Variants in ZBTB20 observed in about 807,000 individuals in gnomAD.
ZBTB20 encodes zinc finger and BTB domain-containing protein 20.
A neutral mutation model predicts 56.9 loss-of-function variants in ZBTB20; 9 were observed. The ratio of observed to expected loss-of-function variants is 0.16; its 90% CI spans 0.10 to 0.28. ZBTB20 has a LOEUF of 0.28. Among genes scored for constraint, ZBTB20 ranks in the 10% least tolerant of loss-of-function variants. ZBTB20 has a pLI of 1.00. For missense variants in ZBTB20, 655 were observed against 1,003.0 expected (o/e 0.65, Z 4.69); for synonymous variants, 417 against 420.7 (o/e 0.99, Z 0.11).
At chr3:114,610,598 G>A (rs1356489281) in intron 6 of ZBTB20, among the ~76,000 whole-genome samples, 2 of 152,164 alleles carry the variant, frequency 1.3e-5, no homozygotes, top group Non-Finnish European at 2.9e-5. Context: ...GGCAGGAGAG[G>A]TTGGCATTTA....
rs180848687 is a variant in ZBTB20, at chr3:114,775,608, G to A, written c.-343+25493C>T. ...TTGTTTGCTCTGAGGAGCACCCTGAGGACCCTCTGGGCTGCACACGGAGCC... is the reference window on the plus strand; with the variant it reads ...TTGTTTGCTCTGAGGAGCACCCTGAAGACCCTCTGGGCTGCACACGGAGCC... On this transcript the variant is annotated intron_variant, in intron 5 of 11. Coordinates refer to ENST00000675478, the MANE Select transcript of ZBTB20 (RefSeq NM_001348800.3). Among the ~76,000 whole-genome samples the A allele has an allele frequency of 8.7e-4, 132 of 151,646 alleles. 1 individual carries two copies. The highest frequency in any genetic ancestry group is 1.0e-4 in the Non-Finnish European group (7 of 67,946).
chr3:114,631,775 T>A (rs913436331), intron 6 of ZBTB20, among the ~76,000 whole-genome samples: 1 of 152,178 alleles, frequency 6.6e-6, no homozygotes, highest in African/African-American at 2.4e-5. Context: ...ACTCTTAATA[T>A]TAAATAGAGA....
At chr3:115,037,743 T>C (rs1299127557) in intron 2 of ZBTB20, among the ~76,000 whole-genome samples, 1 of 152,164 alleles carries the variant, frequency 6.6e-6, no homozygotes, top group Non-Finnish European at 1.5e-5. Flanking sequence ...GAAGTATAAA[T>C]ACATTGGAAG....
chr3:114,763,580 T>G, intron 5 of ZBTB20, among the ~76,000 whole-genome samples: 1 of 152,118 alleles, frequency 6.6e-6, no homozygotes, highest in African/African-American at 2.4e-5. Context: ...CAACCTTAAA[T>G]AGCATATATA....
chr3:115,146,395 C>A (rs905270491), intron 1 of ZBTB20, among the ~76,000 whole-genome samples: 1 of 151,930 alleles, frequency 6.6e-6, no homozygotes, highest in Non-Finnish European at 1.5e-5. Context: ...GGGGGAGGAC[C>A]CAAAAGCCAC....
At chr3:114,697,517 A>T (rs2063117970) in intron 5 of ZBTB20, among the ~76,000 whole-genome samples, 1 of 152,060 alleles carries the variant, frequency 6.6e-6, no homozygotes, top group Non-Finnish European at 1.5e-5. Flanking sequence ...AAAAAACTGT[A>T]AGTTTCCCCA....
chr3:114,455,595 C>T (rs1197067713), intron 7 of ZBTB20, among the ~76,000 whole-genome samples: 2 of 151,874 alleles, frequency 1.3e-5, no homozygotes, highest in Admixed American at 6.6e-5. Flanking sequence ...AGTCAGATGC[C>T]GAATCTAGAT....
intron 7 of ZBTB20, among the ~76,000 whole-genome samples, chr3:114,453,009 T>TATTAGC: frequency 6.6e-6 from 1 of 152,298 alleles, no homozygotes; most frequent in East Asian, 1.9e-4. Context: ...AAATCCAGGA[T>TATTAGC]ATTAGCATAA....
chr3:114,527,884 T>C (rs2047411758), intron 6 of ZBTB20, among the ~76,000 whole-genome samples: 1 of 152,190 alleles, frequency 6.6e-6, no homozygotes, highest in Non-Finnish European at 1.5e-5. Flanking sequence ...AGAGTTTTCA[T>C]TTTCTTTTAC....
At chr3:114,413,434 G>A (rs1315170705) in intron 7 of ZBTB20, among the ~76,000 whole-genome samples, 1 of 152,152 alleles carries the variant, frequency 6.6e-6, no homozygotes, top group Non-Finnish European at 1.5e-5. Context: ...TCATGGATAA[G>A]TCCATAGTGG....
chr3:114,629,804 T>C (rs1490316083), intron 6 of ZBTB20, among the ~76,000 whole-genome samples: 1 of 152,150 alleles, frequency 6.6e-6, no homozygotes, highest in East Asian at 1.9e-4. Flanking sequence ...TTATTAATAA[T>C]AACGGGATTA....
chr3:114,930,669 GC>G, intron 3 of ZBTB20: 1 of 184,506 alleles, frequency 5.4e-6, no homozygotes, highest in Non-Finnish European at 1.2e-5. Context: ...TAAGATCACC[GC>G]AAGGAAGATT....
intron 5 of ZBTB20, among the ~76,000 whole-genome samples, chr3:114,729,224 T>G (rs988110087): frequency 2.0e-5 from 3 of 152,210 alleles, no homozygotes; most frequent in Admixed American, 6.5e-5. Flanking sequence ...CTATCCAACA[T>G]TAATAGCTAG....
chr3:114,408,079 AGTC>A (rs2087517117), intron 7 of ZBTB20, among the ~76,000 whole-genome samples: 1 of 152,194 alleles, frequency 6.6e-6, no homozygotes. Context: ...AGCTCATTCT[AGTC>A]GTCTGTCTCC....
chr3:114,787,035 C>G (rs1356770353), intron 5 of ZBTB20, among the ~76,000 whole-genome samples: 3 of 151,936 alleles, frequency 2.0e-5, no homozygotes, highest in African/African-American at 7.3e-5. Context: ...GACTAAAGTG[C>G]ATGATCATGG....
At chr3:114,943,183 C>T (rs952438313) in intron 3 of ZBTB20, among the ~76,000 whole-genome samples, 6 of 145,502 alleles carry the variant, frequency 4.1e-5, no homozygotes, top group Middle Eastern at 3.2e-3. Context: ...AAGGGAAAAC[C>T]ATAACTAGAG....
intron 7 of ZBTB20, among the ~76,000 whole-genome samples, chr3:114,392,848 A>G (rs967501161): frequency 6.6e-6 from 1 of 152,186 alleles, no homozygotes; most frequent in Non-Finnish European, 1.5e-5. Flanking sequence ...TCTCTCACCC[A>G]AAGATGAAAA....
chr3:114,493,738 T>A (rs1269940595), intron 7 of ZBTB20, among the ~76,000 whole-genome samples: 2 of 152,252 alleles, frequency 1.3e-5, no homozygotes, highest in African/African-American at 4.8e-5. Context: ...CTTCTTCTTT[T>A]ATTTGCCCTT....
intron 2 of ZBTB20, among the ~76,000 whole-genome samples, chr3:115,061,819 A>AT (rs1220432542): frequency 2.6e-5 from 4 of 152,202 alleles, no homozygotes; most frequent in Admixed American, 1.3e-4. Flanking sequence ...ATGAACAGTA[A>AT]AAGTCAATTA....
Sources: allele counts gnomAD v4.1 joint callset (sites outside exome capture counted in the v4.1 genomes callset), GRCh38; gene constraint gnomAD v4.1.1; transcripts MANE v1.5; gene names NCBI Gene and HGNC (gene_info 2026-07-23, HGNC 2026-07-21).